The following ARID1A variants were observed in gnomAD, a reference collection of about 807,000 sequenced individuals.
The protein encoded by ARID1A is AT-rich interactive domain-containing protein 1A.
Under a neutral mutation model 212.6 loss-of-function variants are expected in ARID1A, and 20 were observed. The observed-to-expected ratio is 0.09, with a 90% confidence interval of 0.07 to 0.14. The LOEUF is 0.14. ARID1A is among the 10% of genes least tolerant of loss of function. ARID1A has a pLI of 1.00. For synonymous variants in ARID1A, 1,376 were observed against 1,222.1 expected, an observed-to-expected ratio of 1.13 and a Z score of -2.63; for missense variants, 2,587 against 3,059.0, an observed-to-expected ratio of 0.85 and a Z score of 3.64.
In ARID1A at chr1:26,696,649, TGGCGGCGGCGGCGGAGCCGGCAGC is replaced by T. The variant is rs1295866930; in HGVS notation, c.255_278del (p.Gly86_Gly93del). 3.8e-6 allele frequency: 5 copies of T among 1,303,502 alleles called. No homozygotes were observed. Among genetic ancestry groups the T allele is most frequent in the Non-Finnish European group, 4.8e-6 (5 of 1,031,360 alleles). 80.7% of individuals were successfully genotyped at this position (1,303,502 alleles called of 1,614,324 possible). ...AGGACGGGGCCGAGAGCAATGGGGGTGGCGGCGGCGGCGGAGCCGGCAGCGGCGGCGGGCCCGGCGCGGAGCCGG... is the reference window on the plus strand; with the variant it reads ...AGGACGGGGCCGAGAGCAATGGGGGTGGCGGCGGGCCCGGCGCGGAGCCGG... On this transcript the variant is annotated inframe_deletion, in exon 1 of 20. Transcript: ENST00000324856.
chr1:26,720,236 G>A (rs1333858420), intron 1 of ARID1A, among the ~76,000 whole-genome samples: 12 of 149,924 alleles, frequency 8.0e-5, no homozygotes, highest in East Asian at 2.0e-4. Flanking sequence ...GTGACAGAGC[G>A]AGGCTCTGTC....
rs2124126624 is a variant in ARID1A at position 26,775,628 on chromosome 1, C to T, written c.5045C>T (p.Ala1682Val). The T allele has an allele frequency of 6.2e-7, 1 of 1,614,138 alleles. No individual in the cohort carries two copies. The highest frequency in any genetic ancestry group is 8.5e-7 in the Non-Finnish European group (1 of 1,180,014). The stretch of plus-strand genomic sequence containing the variant: ...ATGTCCCTCAAGTCTGGTCTCCTGG[C>T]AGAGAGCACATGGGCATTAGATACC... ...VMMSLKSGLL[A>V]ESTWALDTIN... Residue 1682 changes from alanine (A) to valine (V), a missense_variant, in exon 19 of 20, where the codon GCA (alanine) becomes GTA (valine). By Grantham distance (64) the Ala-to-Val change is moderately conservative. Coordinates refer to ENST00000324856, the MANE Select transcript of ARID1A (RefSeq NM_006015.6).
chr1:26,702,799 C>T (rs2080343842), intron 1 of ARID1A, among the ~76,000 whole-genome samples: 1 of 152,080 alleles, frequency 6.6e-6, no homozygotes, highest in South Asian at 2.1e-4. Context: ...GCCCTGGCTG[C>T]GTGCTAAGTT....
In ARID1A at chr1:26,774,893, G is replaced by T. The variant is rs2124121358; in HGVS notation, c.4666G>T (p.Gly1556Cys). 1 of 1,568,234 alleles carries T rather than the reference G, an allele frequency of 6.4e-7. No homozygotes were observed. The highest frequency in any genetic ancestry group is 8.6e-7 in the Non-Finnish European group (1 of 1,158,564). Residue 1556 changes from glycine to cysteine, a missense_variant, in exon 18 of 20, where the codon GGT (glycine) becomes TGT (cysteine). By Grantham distance (159) the Gly-to-Cys change is radical. Transcript: ENST00000324856. This position sits in a 1 kb window ranked among gnomAD's most constrained non-coding sequence, Gnocchi z 5.6. ...CCATGGCACACGCCAGCCCCCATAT[G>T]GTCCCTCTGCCCCTGTGCCCCCCAT... ...PSHGTRQPPYGPSAPVPPMTR... is the reference protein window; with the variant it reads ...PSHGTRQPPYCPSAPVPPMTR...
intron 14 of ARID1A, 33 bp downstream of exon 14, chr1:26,773,020 T>G (rs767884465): frequency 6.3e-7 from 1 of 1,589,166 alleles, no homozygotes; most frequent in South Asian, 1.1e-5. Flanking sequence ...GAACTTGTGC[T>G]CGTAAAGACA....
chr1:26,757,761 G>A (rs1043858053), intron 4 of ARID1A, among the ~76,000 whole-genome samples: 4 of 151,846 alleles, frequency 2.6e-5, no homozygotes, highest in South Asian at 2.1e-4. Context: ...TCCACCTCCC[G>A]GGTTCAAGGA....
chr1:26,698,895 G>A (rs1446060941), intron 1 of ARID1A, among the ~76,000 whole-genome samples: 4 of 152,030 alleles, frequency 2.6e-5, no homozygotes, highest in Non-Finnish European at 5.9e-5. Flanking sequence ...AGGTTCAAGC[G>A]GTCTGTTTTA....
chr1:26,705,629 G>A (rs77333910), intron 1 of ARID1A, among the ~76,000 whole-genome samples: 1 of 152,196 alleles, frequency 6.6e-6, no homozygotes, highest in Non-Finnish European at 1.5e-5. Flanking sequence ...GATTACAGGT[G>A]TTTAGGGGCT....
chr1:26,712,801 C>A (rs1464939495), intron 1 of ARID1A, among the ~76,000 whole-genome samples: 1 of 152,218 alleles, frequency 6.6e-6, no homozygotes, highest in Non-Finnish European at 1.5e-5. Context: ...AGACCTGTCT[C>A]CAGTTGTATA....
intron 4 of ARID1A, among the ~76,000 whole-genome samples, chr1:26,756,316 G>A (rs1491004235): frequency 6.6e-6 from 1 of 151,962 alleles, no homozygotes; most frequent in African/African-American, 2.4e-5. Context: ...GGCATTTTGG[G>A]AGGCCAAGGT....
chr1:26,705,238 A>G (rs749469465), intron 1 of ARID1A, among the ~76,000 whole-genome samples: 1 of 152,022 alleles, frequency 6.6e-6, no homozygotes. Context: ...CCCAGGTTCA[A>G]GCGATTCTCA....
At chr1:26,723,079 G>A (rs1274665970) in intron 1 of ARID1A, among the ~76,000 whole-genome samples, 1 of 152,140 alleles carries the variant, frequency 6.6e-6, no homozygotes, top group African/African-American at 2.4e-5. Flanking sequence ...GAAATACTAG[G>A]GGATATAGAA....
Position 26,729,623 on chromosome 1 carries a change from G to C in ARID1A, c.1138-28G>C, listed in dbSNP as rs1434193271. On this transcript the variant is annotated intron_variant, in intron 1 of 19. Transcript: ENST00000324856. ...AGTGGCCAGAGGCCATCAAAGCTCA[G>C]GTTAATGAAATGCTCTTTATTTTGT... 3 of 1,611,834 alleles carry C rather than the reference G, an allele frequency of 1.9e-6. No individual in the cohort carries two copies. In the Admixed American group the frequency reaches 5.0e-5, roughly 27 times the overall value.
rs1281389106 is a variant in ARID1A, at chr1:26,774,729, G to A, written c.4502G>A (p.Arg1501His). 3 of 1,614,150 alleles carry A rather than the reference G, an allele frequency of 1.9e-6. No individual in the cohort carries two copies. Among genetic ancestry groups the A allele is most frequent in the Non-Finnish European group, 2.5e-6 (3 of 1,180,060 alleles). ...VAQQGTMWQG[R>H]NDMTYNYANR... ...CAGCAAGGCACCATGTGGCAGGGGC[G>A]TAATGACATGACCTATAATTATGCC... The change falls in exon 18 of 20, where the codon CGT (arginine) becomes CAT (histidine). Residue 1501 changes from arginine to histidine, a missense_variant. Physicochemically the swap from Arg to His is conservative, Grantham distance 29. Around this residue, in one of 11 missense-constraint regions of ARID1A, gnomAD observed 890 missense variants for 1,098.2 expected, o/e 0.81. Transcript: ENST00000324856. This position sits in a 1 kb window ranked among gnomAD's most constrained non-coding sequence, Gnocchi z 5.6.
At chr1:26,765,456 C>A (rs2081030405) in intron 8 of ARID1A, 1 of 151,856 alleles carries the variant, frequency 6.6e-6, no homozygotes, top group Non-Finnish European at 1.5e-5. Context: ...CCACTGCTCT[C>A]CAGCCTGGGC....
intron 19 of ARID1A, 70 bp from the exon 20 acceptor site, chr1:26,778,953 C>G (rs2124135874): frequency 1.4e-6 from 2 of 1,447,652 alleles, no homozygotes; most frequent in Admixed American, 2.4e-5. Flanking sequence ...GGGGAGGTCT[C>G]TCAAGTCAAT....
intron 1 of ARID1A, among the ~76,000 whole-genome samples, chr1:26,709,607 C>T (rs1046365152): frequency 6.9e-6 from 1 of 144,352 alleles, no homozygotes; most frequent in Non-Finnish European, 1.5e-5. Context: ...TTTTTAGCTA[C>T]ATCTGAGTTA....
chr1:26,771,059 C>A lies in ARID1A; in HGVS notation c.3199-60C>A, dbSNP rs1001147789. 1.3e-6 allele frequency: 2 copies of A among 1,497,504 alleles called. No individual in the cohort carries two copies. Among genetic ancestry groups the A allele is most frequent in the Non-Finnish European group, 1.9e-6 (2 of 1,075,360 alleles). 92.8% of individuals were successfully genotyped at this position (1,497,504 alleles called of 1,614,324 possible). A position where few individuals can be genotyped will look rare whatever the true frequency, so the allele number is the denominator to read the frequency against. ...CCTTACAGCCTGATGGGGCTTGGGGCTTATGGGCAGGAAAACCAGGCGGGA... is the reference window on the plus strand; with the variant it reads ...CCTTACAGCCTGATGGGGCTTGGGGATTATGGGCAGGAAAACCAGGCGGGA... On this transcript the variant is annotated intron_variant, in intron 11 of 19. Coordinates refer to ENST00000324856, the MANE Select transcript of ARID1A (RefSeq NM_006015.6). The surrounding 1 kb of genome is among the most constrained non-coding windows in gnomAD (Gnocchi z 5.4).
chr1:26,763,101 T>C lies in ARID1A; in HGVS notation c.2548T>C (p.Tyr850His), dbSNP rs2124068868. 1.9e-6 allele frequency: 3 copies of C among 1,614,240 alleles called. No homozygotes were observed. Among genetic ancestry groups the C allele is most frequent in the Non-Finnish European group, 2.5e-6 (3 of 1,180,036 alleles). Reference protein sequence around the residue: ...QMHGQPGIPPYGTLPPGRMSH... With the variant: ...QMHGQPGIPPHGTLPPGRMSH... ...GCATGGACAGCCTGGCATCCCACCTTATGGCACACTCCCTCCAGGGAGGAT... is the reference window on the plus strand; with the variant it reads ...GCATGGACAGCCTGGCATCCCACCTCATGGCACACTCCCTCCAGGGAGGAT... The change falls in exon 8 of 20, where the codon TAT (tyrosine) becomes CAT (histidine). Residue 850 changes from tyrosine (Y) to histidine (H), a missense_variant. Tyr to His is a moderately conservative substitution (Grantham distance 83, BLOSUM62 2). Transcript: ENST00000324856.
Sources: allele counts gnomAD v4.1 joint callset (sites outside exome capture counted in the v4.1 genomes callset), GRCh38; gene constraint gnomAD v4.1.1; regional missense constraint gnomAD v4.1.1; non-coding constraint Gnocchi (gnomAD v3.1); transcripts MANE v1.5; gene names NCBI Gene and HGNC (gene_info 2026-07-23, HGNC 2026-07-21).